The following GREB1 variants were observed in gnomAD, a reference collection of about 807,000 sequenced individuals.
The protein encoded by GREB1 is protein GREB1.
GREB1 carries 106 observed loss-of-function variants against 200.7 expected under a neutral mutation model. The ratio of observed to expected loss-of-function variants is 0.53; its 90% CI spans 0.45 to 0.62. The LOEUF (loss-of-function observed/expected upper bound fraction) is 0.62, where lower values mean the gene tolerates loss of function less well. Among genes scored for constraint, GREB1 ranks in the 20% least tolerant of loss-of-function variants. The pLI, the probability that GREB1 is intolerant of heterozygous loss-of-function variation, is 0.00. For missense variants in GREB1, 2,243 were observed against 2,556.8 expected (o/e 0.88, Z 2.65); for synonymous variants, 1,132 against 1,092.4 (o/e 1.04, Z -0.72).
chr2:11,631,114 A>G (rs186091633), intron 26 of GREB1, among the ~76,000 whole-genome samples: 2 of 152,220 alleles, frequency 1.3e-5, no homozygotes, highest in Non-Finnish European at 2.9e-5. Context: ...CACTCCACTC[A>G]CCTTCCAGCC....
At chr2:11,506,635 C>T (rs944083662) in intron 1 of GREB1, among the ~76,000 whole-genome samples, 6 of 152,192 alleles carry the variant, frequency 3.9e-5, no homozygotes, top group African/African-American at 1.4e-4. Flanking sequence ...ATCATACAGT[C>T]CCGTCTTCCC....
At chr2:11,591,142 T>G (rs954156715) in intron 10 of GREB1, among the ~76,000 whole-genome samples, 5 of 152,112 alleles carry the variant, frequency 3.3e-5, no homozygotes, top group South Asian at 2.1e-4. Context: ...ATGAGAGAGA[T>G]AACGGCTAAT....
Position 11,599,111 on chromosome 2 carries a change from G to T in GREB1, c.2333+251G>T, listed in dbSNP as rs1394080365. 3.3e-5 allele frequency among the ~76,000 whole-genome samples: 5 copies of T among 152,184 alleles called. No homozygotes were observed. In the South Asian group the frequency reaches 8.3e-4, roughly 25 times the overall value. ...GGAGAAGGGAAGCGTGTCTCCCAGA[G>T]TCACAGGGTGGGGTGGAGTGGGAGG... On this transcript the variant is annotated intron_variant, in intron 15 of 32. Coordinates refer to ENST00000381486, the MANE Select transcript of GREB1 (RefSeq NM_014668.4).
chr2:11,555,630 A>G (rs1190080603), intron 1 of GREB1, among the ~76,000 whole-genome samples: 2 of 152,214 alleles, frequency 1.3e-5, no homozygotes, highest in Non-Finnish European at 2.9e-5. Flanking sequence ...GCCAGTCACA[A>G]AAGACCTCGT....
At chr2:11,534,522 AG>A (rs1674201911) in intron 1 of GREB1, among the ~76,000 whole-genome samples, 1 of 152,156 alleles carries the variant, frequency 6.6e-6, no homozygotes, top group Non-Finnish European at 1.5e-5. Flanking sequence ...TGTGTGCTGA[AG>A]TGGGGAGCGT....
At chr2:11,572,554 T>C (rs1678418496) in intron 4 of GREB1, among the ~76,000 whole-genome samples, 1 of 152,100 alleles carries the variant, frequency 6.6e-6, no homozygotes, top group Non-Finnish European at 1.5e-5. Context: ...CCTTTGATGG[T>C]TGGAACATGG....
rs572987929 is a variant in GREB1, at chr2:11,623,083, A to C, written c.4148-2071A>C. On this transcript the variant is annotated intron_variant, in intron 23 of 32. Transcript: ENST00000381486. ...CATTTAAAATTTAGTCGTGCGCCACATAATGACGTTTTGGTCAACGGACTG... is the reference window on the plus strand; with the variant it reads ...CATTTAAAATTTAGTCGTGCGCCACCTAATGACGTTTTGGTCAACGGACTG... 2.6e-5 allele frequency among the ~76,000 whole-genome samples: 4 copies of C among 152,398 alleles called. No homozygotes were observed. The South Asian group carries it at 8.3e-4, about 32-fold the overall frequency.
chr2:11,497,605 C>A (rs1458475174), intron 1 of GREB1, among the ~76,000 whole-genome samples: 2 of 152,296 alleles, frequency 1.3e-5, no homozygotes, highest in East Asian at 3.9e-4. Flanking sequence ...GTGTGAGGAT[C>A]CAGCTTCTCT....
At chr2:11,546,107 G>A (rs1675249995) in intron 1 of GREB1, among the ~76,000 whole-genome samples, 1 of 152,158 alleles carries the variant, frequency 6.6e-6, no homozygotes, top group Non-Finnish European at 1.5e-5. Flanking sequence ...AACCCAGGAG[G>A]TGGAGGTTGC....
rs1312408980 is a variant in GREB1 at position 11,534,166 on chromosome 2, T to C, written c.-250T>C. 5 of 152,188 alleles carry C rather than the reference T, an allele frequency of 3.3e-5. No individual in the cohort carries two copies. The highest frequency in any genetic ancestry group is 1.2e-4 in the African/African-American group (5 of 41,430). The allele number at this position is 152,188 out of a possible 1,614,324, so 9.4% of individuals were successfully genotyped here. On this transcript the variant is annotated 5_prime_UTR_variant, in exon 1 of 33. The change abolishes an upstream ATG in the 5' untranslated region. Coordinates refer to ENST00000381486, the MANE Select transcript of GREB1 (RefSeq NM_014668.4). The stretch of plus-strand genomic sequence containing the variant: ...TTGCAGCTCTTGAGGACCTGCCAAA[T>C]GGAAGAAGGACAGAGACCTGGAGCC...
At chr2:11,517,173 C>T (rs181528994) in intron 1 of GREB1, among the ~76,000 whole-genome samples, 3 of 152,306 alleles carry the variant, frequency 2.0e-5, no homozygotes, top group Admixed American at 6.5e-5. Flanking sequence ...CAGGCTGGCC[C>T]TCTTCCCTGC....
rs10210911 is a variant in GREB1 at position 11,511,298 on chromosome 2, A to T, written c.-159+28917A>T. 6.6e-4 allele frequency among the ~76,000 whole-genome samples: 101 copies of T among 152,222 alleles called. 1 individual carries two copies. The highest frequency in any genetic ancestry group is 2.3e-3 in the African/African-American group (97 of 41,538). ...ACAATCATCCCCATTTTATGGCTGGAGAGCTGGGGCCCAGAGAAGTTACAT... is the reference window on the plus strand; with the variant it reads ...ACAATCATCCCCATTTTATGGCTGGTGAGCTGGGGCCCAGAGAAGTTACAT... On this transcript the variant is annotated intron_variant, in intron 1 of 2. Coordinates refer to the GREB1 transcript ENST00000628795.
In GREB1 at chr2:11,600,958, C is replaced by G; in HGVS notation, c.2492C>G (p.Pro831Arg). The G allele has an allele frequency of 6.2e-7, 1 of 1,613,528 alleles. No individual in the cohort carries two copies. The highest frequency in any genetic ancestry group is 8.5e-7 in the Non-Finnish European group (1 of 1,179,486). Reference sequence around the variant, plus strand: ...CAGACACAGCACACCCTCATCAGCCCCTACAACGAGATCCACTGGCCTGCC... The same window carrying G: ...CAGACACAGCACACCCTCATCAGCCGCTACAACGAGATCCACTGGCCTGCC... ...ALQTQHTLIS[P>R]YNEIHWPASC... Residue 831 changes from proline to arginine, a missense_variant, in exon 16 of 33, where the codon CCC becomes CGC. Physicochemically the swap from Pro to Arg is moderately radical, Grantham distance 103 (BLOSUM62 -2). Transcript: ENST00000381486.
At position 11,628,707 on chromosome 2, in the gene GREB1, G is replaced by A. The variant is rs574193499; in HGVS notation, c.4450-1241G>A. Reference sequence around the variant, plus strand: ...GTAGGGAACTGAAAGGGACTGAAGGGTGTCAGTCCCTACTCATCCCTGTCA... The same window carrying A: ...GTAGGGAACTGAAAGGGACTGAAGGATGTCAGTCCCTACTCATCCCTGTCA... On this transcript the variant is annotated intron_variant, in intron 25 of 32. Transcript: ENST00000381486. Among the ~76,000 whole-genome samples the A allele has an allele frequency of 1.1e-4, 17 of 152,334 alleles. No individual in the cohort carries two copies. In the South Asian group the frequency reaches 3.3e-3, roughly 30 times the overall value.
chr2:11,521,158 A>G lies in GREB1; in HGVS notation c.-158-35299A>G, dbSNP rs369669349. ...GGTCTTACTCTGTTGCCCAGGCTGG[A>G]GTGCTCTGGTGTGACCATAGTTCAC... On this transcript the variant is annotated intron_variant, in intron 1 of 2. Coordinates refer to the GREB1 transcript ENST00000628795. Among the ~76,000 whole-genome samples the G allele has an allele frequency of 5.3e-5, 8 of 152,060 alleles. No individual in the cohort carries two copies. The East Asian group carries it at 1.5e-3, about 29-fold the overall frequency.
At chr2:11,535,315 T>G (rs1674240397) in intron 1 of GREB1, among the ~76,000 whole-genome samples, 3 of 152,230 alleles carry the variant, frequency 2.0e-5, no homozygotes, top group Admixed American at 2.0e-4. Context: ...TTATGAAACC[T>G]GAACCTCTAG....
At position 11,602,449 on chromosome 2, in the gene GREB1, C is replaced by T. The variant is rs745397363; in HGVS notation, c.2573C>T (p.Ser858Leu). 74 of 1,612,618 alleles carry T rather than the reference C, an allele frequency of 4.6e-5. No individual in the cohort carries two copies. In the Middle Eastern group the frequency reaches 6.6e-4, roughly 14 times the overall value. Reference protein sequence around the residue: ...YHENKKYFGLSEFIESTLSGH... With the variant: ...YHENKKYFGLLEFIESTLSGH... ...GAAAATAAGAAGTACTTCGGGCTGT[C>T]GGAGTTTATTGAATCCACCCTTTCA... The change falls in exon 17 of 33, where the codon TCG (serine) becomes TTG (leucine). Residue 858 changes from serine to leucine, a missense_variant. Physicochemically the swap from Ser to Leu is moderately radical, Grantham distance 145 (BLOSUM62 -2). Transcript: ENST00000381486.
At chr2:11,510,250 C>T (rs536190701) in intron 1 of GREB1, among the ~76,000 whole-genome samples, 1 of 152,234 alleles carries the variant, frequency 6.6e-6, no homozygotes, top group African/African-American at 2.4e-5. Context: ...GAGAAGATGC[C>T]AGAGTGATGG....
intron 1 of GREB1, among the ~76,000 whole-genome samples, chr2:11,488,740 G>A (rs575150531): frequency 2.7e-5 from 4 of 148,770 alleles, no homozygotes; most frequent in African/African-American, 7.5e-5. Flanking sequence ...GCAGTGAGCC[G>A]AGCCTGTGCC....
Sources: allele counts gnomAD v4.1 joint callset (sites outside exome capture counted in the v4.1 genomes callset), GRCh38; gene constraint gnomAD v4.1.1; transcripts MANE v1.5; gene names NCBI Gene and HGNC (gene_info 2026-07-23, HGNC 2026-07-21).